Variants in BAHCC1 observed in about 807,000 individuals in gnomAD.
BAHCC1 encodes BAH and coiled-coil domain-containing protein 1.
In BAHCC1, 43 loss-of-function variants were observed where a neutral mutation model predicts 88.2. The ratio of observed to expected loss-of-function variants is 0.49; its 90% CI spans 0.38 to 0.63. BAHCC1 has a LOEUF of 0.63. Among genes scored for constraint, BAHCC1 ranks in the 20% least tolerant of loss-of-function variants. The pLI, the probability that BAHCC1 is intolerant of heterozygous loss-of-function variation, is 0.00. For missense variants in BAHCC1, 3,023 were observed against 1,654.8 expected (o/e 1.83, Z -14.34); for synonymous variants, 1,510 against 745.5 (o/e 2.03, Z -16.71).
intron 2 of BAHCC1, among the ~76,000 whole-genome samples, chr17:81,404,201 T>C (rs1313630296): frequency 1.3e-5 from 2 of 151,876 alleles, no homozygotes; most frequent in Non-Finnish European, 2.9e-5. Context: ...GAAACACACA[T>C]AAAAAAGCCA....
chr17:81,401,697 A>G (rs2063818800), intron 2 of BAHCC1: 1 of 152,312 alleles, frequency 6.6e-6, no homozygotes, highest in Non-Finnish European at 1.5e-5. Flanking sequence ...CGTGCCCTCC[A>G]GCCTGGCAAG....
Position 81,443,602 on chromosome 17 carries a change from A to T in BAHCC1, c.2215+38A>T, listed in dbSNP as rs576571898. 391 of 617,942 alleles carry T rather than the reference A, an allele frequency of 6.3e-4. 1 individual carries two copies. In the African/African-American group the frequency reaches 6.6e-3, roughly 10 times the overall value. 38.3% of individuals were successfully genotyped at this position (617,942 alleles called of 1,614,324 possible). On this transcript the variant is annotated intron_variant, in intron 5 of 27. Transcript: ENST00000675386. ...CACAGAGAGGGAGGCAGGCCGGGAC[A>T]GTCTAGGGGGCCCAGCTGGCCCTGC...
intron 4 of BAHCC1, among the ~76,000 whole-genome samples, chr17:81,441,628 C>G (rs1300952919): frequency 7.1e-6 from 1 of 140,642 alleles, no homozygotes; most frequent in Non-Finnish European, 1.5e-5. Context: ...CGCCACAGCA[C>G]TGCAGCCTGG....
chr17:81,434,412 C>T lies in BAHCC1; in HGVS notation c.359-3958C>T, dbSNP rs1330092770. ...CCTTCCCCCAGGGAGGAGGCACTGC[C>T]GTTTGTCAGGATGGTGGGGTGTCCG... is the stretch of plus-strand genomic sequence containing the variant. On this transcript the variant is annotated intron_variant, in intron 3 of 27. Transcript: ENST00000675386. This position sits in a 1 kb window ranked among gnomAD's most constrained non-coding sequence, Gnocchi z 4.9. 3.9e-5 allele frequency among the ~76,000 whole-genome samples: 6 copies of T among 152,180 alleles called. No homozygotes were observed. Among genetic ancestry groups the T allele is most frequent in the East Asian group, 1.9e-4 (1 of 5,190 alleles).
At chr17:81,426,495 CGTG>C (rs1367326098) in intron 2 of BAHCC1, among the ~76,000 whole-genome samples, 6 of 146,442 alleles carry the variant, frequency 4.1e-5, no homozygotes, top group Non-Finnish European at 6.0e-5. Flanking sequence ...TGATATGGCT[CGTG>C]GTGGTGGTGG....
chr17:81,461,252 G>A lies in BAHCC1; in HGVS notation c.6589G>A (p.Gly2197Ser), dbSNP rs781934792. 8.5e-6 allele frequency: 6 copies of A among 702,882 alleles called. No individual in the cohort carries two copies. The highest frequency in any genetic ancestry group is 7.0e-5 in the African/African-American group (4 of 57,218). 43.5% of individuals were successfully genotyped at this position (702,882 alleles called of 1,614,324 possible). Residue 2197 changes from glycine (G) to serine (S), a missense_variant, in exon 26 of 28, where the codon GGT (glycine) becomes AGT (serine). Transcript: ENST00000675386. ...GGCCGAGAGGGTGGAGGCCGAGAAG[G>A]GTGGGCGGCGGCGGGCGGGCGGTGA... ...KKAERVEAEK[G>S]GRRRAGGEFL...
At chr17:81,455,213 G>A (rs2064724731) in intron 14 of BAHCC1, 54 bp from the exon 15 acceptor site, 1 of 699,502 alleles carries the variant, frequency 1.4e-6, no homozygotes, top group African/African-American at 1.8e-5. Flanking sequence ...AGGGGGACAA[G>A]GCTGGGGCGG....
At chr17:81,409,765 C>T (rs1291266442) in intron 2 of BAHCC1, among the ~76,000 whole-genome samples, 2 of 152,210 alleles carry the variant, frequency 1.3e-5, no homozygotes, top group African/African-American at 4.8e-5. Flanking sequence ...TCTCCATCCA[C>T]AGGCCGGCCC....
At chr17:81,462,074 TC>T in intron 26 of BAHCC1, 28 bp downstream of exon 26, 1 of 715,090 alleles carries the variant, frequency 1.4e-6, no homozygotes, top group Non-Finnish European at 2.6e-6. Context: ...CGGGAGGAGC[TC>T]CTGGTTCCCA....
In BAHCC1 at chr17:81,444,748, C is replaced by T. The variant is rs1234842403; in HGVS notation, c.2593C>T (p.Pro865Ser). ...SVAGPVPSVF[P>S]LPQDAPTQLV... ...GGCTGGCCCTGTGCCCTCTGTCTTCCCCCTCCCACAGGACGCCCCCACACA... is the reference window on the plus strand; with the variant it reads ...GGCTGGCCCTGTGCCCTCTGTCTTCTCCCTCCCACAGGACGCCCCCACACA... Residue 865 changes from proline to serine, a missense_variant, in exon 8 of 28, where the codon CCC becomes TCC. Coordinates refer to ENST00000675386, the MANE Select transcript of BAHCC1 (RefSeq NM_001377448.1). 1.3e-6 allele frequency: 1 copy of T among 778,572 alleles called. No homozygotes were observed. Among genetic ancestry groups the T allele is most frequent in the Non-Finnish European group, 2.4e-6 (1 of 417,626 alleles). The allele number at this position is 778,572 out of a possible 1,614,324, so 48.2% of individuals were successfully genotyped here.
chr17:81,440,107 C>T (rs369056258), intron 4 of BAHCC1, among the ~76,000 whole-genome samples: 12 of 152,240 alleles, frequency 7.9e-5, no homozygotes, highest in African/African-American at 2.2e-4. Context: ...GCACCCAAAC[C>T]GGTCTCCTCA....
At position 81,411,882 on chromosome 17, in the gene BAHCC1, C is replaced by G. The variant is rs1364456983; in HGVS notation, c.178+11965C>G. On this transcript the variant is annotated intron_variant, in intron 2 of 27. Coordinates refer to ENST00000675386, the MANE Select transcript of BAHCC1 (RefSeq NM_001377448.1). This position sits in a 1 kb window ranked among gnomAD's most constrained non-coding sequence, Gnocchi z 6.2. ...CTCCACACCCTGGTCACTCTTCCCT[C>G]CAGCTCAGCGCTTACCATCGTATCC... Among the ~76,000 whole-genome samples the G allele has an allele frequency of 6.6e-6, 1 of 152,202 alleles. No individual in the cohort carries two copies. The highest frequency in any genetic ancestry group is 1.5e-5 in the Non-Finnish European group (1 of 68,024).
rs1308126407 is a variant in BAHCC1 at position 81,405,350 on chromosome 17, G to A, written c.178+5433G>A. Among the ~76,000 whole-genome samples, 3 of 152,324 alleles carry A rather than the reference G, an allele frequency of 2.0e-5. No homozygotes were observed. The East Asian group carries it at 5.8e-4, about 29-fold the overall frequency. On this transcript the variant is annotated intron_variant, in intron 2 of 27. Transcript: ENST00000675386. ...CAAAGTGCTAGGATTACAGGTGTGA[G>A]CCACCGTGCCCGGCCTCTGGTGTCT...
chr17:81,445,743 G>A (rs1029762928), intron 10 of BAHCC1, 62 bp downstream of exon 10: 37 of 691,576 alleles, frequency 5.4e-5, no homozygotes, highest in South Asian at 3.6e-4. Context: ...ACCCCTGCCC[G>A]GCAGGGCTGC....
intron 2 of BAHCC1, among the ~76,000 whole-genome samples, chr17:81,403,441 A>C (rs1164755035): frequency 6.6e-6 from 1 of 151,250 alleles, no homozygotes; most frequent in Non-Finnish European, 1.5e-5. Flanking sequence ...ACTGCAAACT[A>C]CTTCTTTCCT....
chr17:81,441,747 G>A, intron 4 of BAHCC1, 84 bp from the exon 5 acceptor site: 1 of 492,758 alleles, frequency 2.0e-6, no homozygotes, highest in Non-Finnish European at 3.7e-6. Context: ...GTGTCCGGGA[G>A]GCACCTGGAG....
intron 3 of BAHCC1, among the ~76,000 whole-genome samples, chr17:81,431,839 G>A (rs933787580): frequency 5.9e-5 from 9 of 152,256 alleles, no homozygotes; most frequent in East Asian, 3.9e-4. Context: ...CCTCTGCCCC[G>A]CAAGCTCCTG....
intron 2 of BAHCC1, chr17:81,402,207 CGAAGAGAACGCTTGT>C (rs1446951007): frequency 5.9e-5 from 9 of 152,174 alleles, no homozygotes; most frequent in African/African-American, 2.2e-4. Context: ...CCCTGCGGAC[CGAAGAGAACGCTTGT>C]GCTCGGAGAT....
intron 2 of BAHCC1, among the ~76,000 whole-genome samples, chr17:81,425,580 G>T (rs111211159): frequency 8.2e-4 from 60 of 73,042 alleles, no homozygotes; most frequent in East Asian, 4.3e-3. Context: ...ATGTGGTTGG[G>T]GGTGATAGTG....
Sources: gnomAD v4.1 joint callset for allele counts (sites outside exome capture counted in the v4.1 genomes callset) on GRCh38, gnomAD v4.1.1 for gene constraint, Gnocchi (gnomAD v3.1) non-coding constraint, MANE v1.5 for transcripts, NCBI Gene and HGNC (gene_info 2026-07-23, HGNC 2026-07-21) for gene names.